QTGAL: variants seen among roughly 807,000 people sequenced by gnomAD.
QTGAL encodes queuosine-tRNA galactosyltransferase.
At chr17:82,980,721 C>T in the QTGAL span, among the ~76,000 whole-genome samples, 1 of 152,204 alleles carries the variant, frequency 6.6e-6, no homozygotes, top group African/African-American at 2.4e-5. Flanking sequence ...CAACACCCTC[C>T]AGGACCCTGC....
At chr17:83,005,629 G>A in the QTGAL span, 12 of 702,788 alleles carry the variant, frequency 1.7e-5, no homozygotes, top group Admixed American at 1.0e-4. The surrounding 1 kb of genome is among the most constrained non-coding windows in gnomAD (Gnocchi z 5.6). Context: ...TCCGCAGGCC[G>A]CCCGTCTGAA....
At chr17:83,017,598 G>T in the QTGAL span, among the ~76,000 whole-genome samples, 3 of 152,194 alleles carry the variant, frequency 2.0e-5, no homozygotes, top group African/African-American at 4.8e-5. Flanking sequence ...CTCCAGCCTG[G>T]GCGACAGAGA....
At chr17:83,034,781 G>A in the QTGAL span, among the ~76,000 whole-genome samples, 753 of 152,318 alleles carry the variant, frequency 4.9e-3, 2 homozygotes, top group East Asian at 0.027. Context: ...CTCATCGGCC[G>A]CCACGTCAGA....
At chr17:82,947,273 T>G in the QTGAL span, 22 of 439,368 alleles carry the variant, frequency 5.0e-5, no homozygotes, top group Middle Eastern at 1.2e-3. Context: ...CGGAATGGAA[T>G]GAGACTAACA....
At chr17:82,957,609 G>A in the QTGAL span, 4 of 1,363,844 alleles carry the variant, frequency 2.9e-6, no homozygotes, top group Non-Finnish European at 4.0e-6. Context: ...GTGGACACCT[G>A]GCCCAATGCC....
the QTGAL span, among the ~76,000 whole-genome samples, chr17:83,026,957 GA>G: frequency 2.7e-5 from 4 of 150,732 alleles, no homozygotes; most frequent in African/African-American, 7.3e-5. Flanking sequence ...CAGACACACA[GA>G]GCGGGGCAGG....
At chr17:83,037,972 C>T in the QTGAL span, among the ~76,000 whole-genome samples, 3 of 152,014 alleles carry the variant, frequency 2.0e-5, no homozygotes, top group African/African-American at 7.3e-5. This position sits in a 1 kb window ranked among gnomAD's most constrained non-coding sequence, Gnocchi z 5.2. Flanking sequence ...ACTCACACGG[C>T]GGCGAGATAT....
At chr17:83,045,940 C>T in the QTGAL span, among the ~76,000 whole-genome samples, 7 of 151,986 alleles carry the variant, frequency 4.6e-5, no homozygotes, top group Non-Finnish European at 8.8e-5. Context: ...TCTTCTGTCT[C>T]AGCCTCCTGA....
the QTGAL span, among the ~76,000 whole-genome samples, chr17:82,958,203 C>T: frequency 6.6e-6 from 1 of 152,220 alleles, no homozygotes; most frequent in Non-Finnish European, 1.5e-5. Flanking sequence ...GCTGGACGGG[C>T]CAGAAGCTAG....
At chr17:82,976,253 G>A in the QTGAL span, among the ~76,000 whole-genome samples, 1 of 95,076 alleles carries the variant, frequency 1.1e-5, no homozygotes, top group Non-Finnish European at 2.0e-5. Context: ...GGGACCAGAG[G>A]CCACTTATGG....
the QTGAL span, among the ~76,000 whole-genome samples, chr17:83,034,867 C>T: frequency 6.6e-6 from 1 of 152,226 alleles, no homozygotes; most frequent in African/African-American, 2.4e-5. Flanking sequence ...ATAAATTACC[C>T]AGTCTCGGCT....
chr17:82,946,800 T>C, the QTGAL span: 43 of 1,205,140 alleles, frequency 3.6e-5, no homozygotes, highest in Middle Eastern at 2.0e-4. Flanking sequence ...TAAAGAAAAT[T>C]AGAATAAGAG....
At chr17:83,007,019 G>T in the QTGAL span, 2 of 372,222 alleles carry the variant, frequency 5.4e-6, no homozygotes, top group African/African-American at 2.2e-5. Context: ...CGTTCTGATG[G>T]CACCGTGCTT....
the QTGAL span, among the ~76,000 whole-genome samples, chr17:83,027,153 G>T: frequency 2.9e-5 from 4 of 135,890 alleles, no homozygotes; most frequent in African/African-American, 5.6e-5. Context: ...CACACGGAGG[G>T]GGGCAGGGAG....
At chr17:82,974,772 T>C in the QTGAL span, among the ~76,000 whole-genome samples, 1 of 152,164 alleles carries the variant, frequency 6.6e-6, no homozygotes, top group African/African-American at 2.4e-5. Context: ...CCCCACAGCT[T>C]GGAACAGCGG....
chr17:83,006,649 G>A, the QTGAL span: 19 of 985,338 alleles, frequency 1.9e-5, no homozygotes, highest in African/African-American at 2.8e-4. The surrounding 1 kb of genome is among the most constrained non-coding windows in gnomAD (Gnocchi z 5.8). Flanking sequence ...TCCCGACGCC[G>A]TGGCTGTGCT....
the QTGAL span, among the ~76,000 whole-genome samples, chr17:82,954,240 A>G: frequency 4.5e-3 from 689 of 152,294 alleles, 9 homozygotes; most frequent in African/African-American, 0.015. Flanking sequence ...TATATTTAGA[A>G]AACCCCATTG....
the QTGAL span, among the ~76,000 whole-genome samples, chr17:83,033,502 C>T: frequency 9.2e-5 from 14 of 151,494 alleles, no homozygotes; most frequent in South Asian, 1.0e-3. Context: ...GACAGAGTCC[C>T]GCTCTGTCGC....
At chr17:83,026,290 A>C in the QTGAL span, among the ~76,000 whole-genome samples, 1 of 152,216 alleles carries the variant, frequency 6.6e-6, no homozygotes, top group Admixed American at 6.5e-5. Flanking sequence ...GTACAAAGCT[A>C]AGAGGAACCC....
Sources: allele counts gnomAD v4.1 joint callset (sites outside exome capture counted in the v4.1 genomes callset), GRCh38; gene constraint gnomAD v4.1.1; non-coding constraint Gnocchi (gnomAD v3.1); transcripts MANE v1.5; gene names NCBI Gene and HGNC (gene_info 2026-07-23, HGNC 2026-07-21).